The following DTWD2 variants were observed in gnomAD, a reference collection of about 807,000 sequenced individuals.
DTWD2 encodes the protein tRNA-uridine aminocarboxypropyltransferase 2.
Under a neutral mutation model 31.8 loss-of-function variants are expected in DTWD2, and 39 were observed. That is an observed-to-expected ratio of 1.22 (90% confidence interval 0.95 to 1.60). The LOEUF is 1.60. Ranked by LOEUF, DTWD2 falls within the 40% of genes most tolerant of loss-of-function variation. The probability of loss-of-function intolerance (pLI) is 0.00; values close to 1 mark genes in which losing one functional copy is unlikely to be tolerated. For synonymous variants in DTWD2, 180 were observed against 142.8 expected, an observed-to-expected ratio of 1.26 and a Z score of -1.86; for missense variants, 515 against 381.5, an observed-to-expected ratio of 1.35 and a Z score of -2.92.
intron 1 of DTWD2, among the ~76,000 whole-genome samples, chr5:118,950,258 C>G (rs1396999220): frequency 1.3e-5 from 2 of 150,110 alleles, no homozygotes; most frequent in African/African-American, 2.5e-5. Context: ...TAAGTTGGCA[C>G]CAGAGTTGGG....
intron 1 of DTWD2, among the ~76,000 whole-genome samples, chr5:118,976,172 C>T (rs962876853): frequency 6.6e-6 from 1 of 152,222 alleles, no homozygotes; most frequent in Admixed American, 6.5e-5. Flanking sequence ...ACCAGTATAT[C>T]TGGGACACAG....
chr5:118,891,408 A>T (rs7724403), intron 4 of DTWD2, among the ~76,000 whole-genome samples: 16,233 of 152,180 alleles, frequency 0.11, 1,084 homozygotes, highest in African/African-American at 0.19. Context: ...CTTTCTCTGA[A>T]TTAATTATGA....
chr5:118,961,827 G>A (rs1375510470), intron 1 of DTWD2, among the ~76,000 whole-genome samples: 1 of 152,076 alleles, frequency 6.6e-6, no homozygotes, highest in East Asian at 1.9e-4. Context: ...AAAGCACAAA[G>A]ACAGTTAAAA....
intron 4 of DTWD2, among the ~76,000 whole-genome samples, chr5:118,857,360 C>A (rs1752161694): frequency 6.6e-6 from 1 of 152,076 alleles, no homozygotes; most frequent in South Asian, 2.1e-4. Flanking sequence ...ATATATTTTA[C>A]AAAATGAAAA....
At position 118,985,511 on chromosome 5, in the gene DTWD2, TATATATAC is replaced by T. The variant is rs1159116452; in HGVS notation, c.218+2775_218+2782del. Among the ~76,000 whole-genome samples the T allele has an allele frequency of 5.0e-3, 629 of 126,724 alleles. 2 individuals are homozygous for T. The highest frequency in any genetic ancestry group is 0.017 in the African/African-American group (583 of 33,318). 83.1% of individuals were successfully genotyped at this position (126,724 alleles called of 152,430 possible). A position where few individuals can be genotyped will look rare whatever the true frequency, so the allele number is the denominator to read the frequency against. On this transcript the variant is annotated intron_variant, in intron 1 of 5. Transcript: ENST00000510708. ...ATTTTTATATATATATATATATATA[TATATATAC>T]ACACACATATATACATACATATACA...
chr5:118,965,138 G>A (rs1378689021), intron 1 of DTWD2, among the ~76,000 whole-genome samples: 2 of 151,014 alleles, frequency 1.3e-5, no homozygotes, highest in African/African-American at 4.9e-5. Flanking sequence ...TGCCCCGTCT[G>A]AGAAGTAAGG....
At chr5:118,861,450 T>C (rs183027073) in intron 4 of DTWD2, among the ~76,000 whole-genome samples, 190 of 152,344 alleles carry the variant, frequency 1.2e-3, no homozygotes, top group African/African-American at 4.4e-3. Flanking sequence ...TATTAAAGTA[T>C]TATCTTTATT....
intron 1 of DTWD2, among the ~76,000 whole-genome samples, chr5:118,986,315 T>G (rs1755426081): frequency 6.6e-6 from 1 of 152,182 alleles, no homozygotes; most frequent in Non-Finnish European, 1.5e-5. Flanking sequence ...ATTTATAGAA[T>G]CTATATCTTG....
intron 4 of DTWD2, among the ~76,000 whole-genome samples, chr5:118,884,899 G>C (rs972425491): frequency 9.3e-5 from 14 of 150,962 alleles, no homozygotes; most frequent in African/African-American, 3.2e-4. Context: ...GGGAGGCTGA[G>C]GCAGGAGAAT....
intron 1 of DTWD2, among the ~76,000 whole-genome samples, chr5:118,976,925 G>A (rs1316453113): frequency 6.6e-6 from 1 of 152,204 alleles, no homozygotes; most frequent in Non-Finnish European, 1.5e-5. Context: ...GAACATCAAT[G>A]AGAAAATCCT....
At chr5:118,941,100 CCTA>C (rs1754168802) in intron 2 of DTWD2, among the ~76,000 whole-genome samples, 1 of 152,124 alleles carries the variant, frequency 6.6e-6, no homozygotes, top group Non-Finnish European at 1.5e-5. Flanking sequence ...AAAGCCCCCT[CCTA>C]GAGCCTATCT....
intron 4 of DTWD2, among the ~76,000 whole-genome samples, chr5:118,913,993 A>G (rs1212285445): frequency 6.6e-6 from 1 of 152,136 alleles, no homozygotes; most frequent in African/African-American, 2.4e-5. Flanking sequence ...AAATAAATTA[A>G]TATGTATTAA....
rs544362498 is a variant in DTWD2 at position 118,950,552 on chromosome 5, G to T, written c.219-5903C>A. On this transcript the variant is annotated intron_variant, in intron 1 of 5. Transcript: ENST00000510708. The stretch of plus-strand genomic sequence containing the variant: ...AATTCCAGGGGCTCTGGGAGTGGCT[G>T]CCGGGCAAGTTGGACAGTTCGATTT... 9.2e-4 allele frequency among the ~76,000 whole-genome samples: 140 copies of T among 152,308 alleles called. 1 individual carries two copies. Among genetic ancestry groups the T allele is most frequent in the African/African-American group, 3.4e-3 (140 of 41,568 alleles).
At chr5:118,901,304 G>A (rs1302911424) in intron 4 of DTWD2, among the ~76,000 whole-genome samples, 2 of 152,142 alleles carry the variant, frequency 1.3e-5, no homozygotes, top group African/African-American at 4.8e-5. Flanking sequence ...ACATTGCACA[G>A]TAAGTATTCC....
chr5:118,960,904 T>C (rs1484158569), intron 1 of DTWD2, among the ~76,000 whole-genome samples: 3 of 151,986 alleles, frequency 2.0e-5, no homozygotes, highest in African/African-American at 4.8e-5. Context: ...AAGGAAACAA[T>C]AGACATTGAG....
intron 3 of DTWD2, among the ~76,000 whole-genome samples, chr5:118,934,967 GTGT>G (rs998365402): frequency 1.3e-5 from 2 of 152,154 alleles, no homozygotes; most frequent in African/African-American, 4.8e-5. Context: ...AATCTTCAAA[GTGT>G]TGTTTTTTTG....
At chr5:118,977,763 C>T (rs938378732) in intron 1 of DTWD2, among the ~76,000 whole-genome samples, 2 of 152,054 alleles carry the variant, frequency 1.3e-5, no homozygotes, top group Non-Finnish European at 2.9e-5. Flanking sequence ...CCATACTGCC[C>T]AATTTATAGA....
intron 4 of DTWD2, among the ~76,000 whole-genome samples, chr5:118,882,830 G>T (rs1017944454): frequency 3.9e-5 from 6 of 152,198 alleles, no homozygotes; most frequent in Admixed American, 1.3e-4. Flanking sequence ...CCATTCATAG[G>T]AAAGTCTGCC....
intron 4 of DTWD2, among the ~76,000 whole-genome samples, chr5:118,914,922 A>G (rs1230417689): frequency 6.6e-6 from 1 of 152,162 alleles, no homozygotes; most frequent in Non-Finnish European, 1.5e-5. Flanking sequence ...AAATCCTTAT[A>G]AAACAAAAAT....
Sources: allele counts gnomAD v4.1 joint callset (sites outside exome capture counted in the v4.1 genomes callset), GRCh38; gene constraint gnomAD v4.1.1; transcripts MANE v1.5; gene names NCBI Gene and HGNC (gene_info 2026-07-23, HGNC 2026-07-21).